Variants in GPC6 observed in about 807,000 individuals in gnomAD.
The protein encoded by GPC6 is glypican-6.
GPC6 carries 14 observed loss-of-function variants against 55.2 expected under a neutral mutation model. The observed-to-expected ratio is 0.25, with a 90% CI of 0.17 to 0.40. The LOEUF (loss-of-function observed/expected upper bound fraction) is 0.40. GPC6 is among the 10% of genes least tolerant of loss of function. The pLI is 1.00. For synonymous variants in GPC6, 278 were observed against 259.6 expected (o/e 1.07, Z -0.68); for missense variants, 641 against 708.5 (o/e 0.90, Z 1.08).
intron 2 of GPC6, among the ~76,000 whole-genome samples, chr13:93,673,021 G>A (rs1881434789): frequency 6.6e-6 from 1 of 152,060 alleles, no homozygotes; most frequent in African/African-American, 2.4e-5. Flanking sequence ...AAAGACAAAA[G>A]TATTTTTGAA....
At position 94,405,200 on chromosome 13, in the gene GPC6, T is replaced by G. The variant is rs557395539; in HGVS notation, c.*1983T>G. 5.3e-5 allele frequency: 8 copies of G among 152,358 alleles called. No individual in the cohort carries two copies. In the East Asian group the frequency reaches 1.5e-3, roughly 29 times the overall value. 9.4% of individuals were successfully genotyped at this position (152,358 alleles called of 1,614,324 possible). A position where few individuals can be genotyped will look rare whatever the true frequency, so the allele number is the denominator to read the frequency against. ...TTTATGCCTAATGAAATATAAAATG[T>G]AGGATGATGAGAGACTTTGTGGCAT... On this transcript the variant is annotated 3_prime_UTR_variant, in exon 9 of 9. Coordinates refer to ENST00000377047, the MANE Select transcript of GPC6 (RefSeq NM_005708.5).
At chr13:93,569,310 C>G (rs557808820) in intron 2 of GPC6, among the ~76,000 whole-genome samples, 1 of 152,250 alleles carries the variant, frequency 6.6e-6, no homozygotes, top group East Asian at 1.9e-4. Context: ...AGTCATTTGG[C>G]TCTTGCACTT....
chr13:93,791,787 G>C (rs1411946054), intron 2 of GPC6, among the ~76,000 whole-genome samples: 1 of 152,192 alleles, frequency 6.6e-6, no homozygotes, highest in African/African-American at 2.4e-5. Flanking sequence ...CGTTTGAAAA[G>C]AGTTCAAAGT....
At chr13:93,247,684 A>G (rs1233805407) in intron 1 of GPC6, among the ~76,000 whole-genome samples, 1 of 152,204 alleles carries the variant, frequency 6.6e-6, no homozygotes, top group Non-Finnish European at 1.5e-5. Flanking sequence ...GTCAGTTTCA[A>G]TTGAATATAA....
intron 2 of GPC6, among the ~76,000 whole-genome samples, chr13:93,701,112 T>C (rs941541480): frequency 6.6e-6 from 1 of 152,078 alleles, no homozygotes; most frequent in African/African-American, 2.4e-5. Context: ...CCTTGAGAAT[T>C]TGACTTACAA....
chr13:94,287,338 C>A (rs1173041779), intron 5 of GPC6, among the ~76,000 whole-genome samples: 2 of 152,172 alleles, frequency 1.3e-5, no homozygotes, highest in African/African-American at 4.8e-5. Flanking sequence ...TAAAATATGT[C>A]AGGCAAAGAG....
At chr13:94,016,607 G>A (rs908848610) in intron 3 of GPC6, among the ~76,000 whole-genome samples, 10 of 152,162 alleles carry the variant, frequency 6.6e-5, no homozygotes, top group Admixed American at 5.9e-4. Context: ...GAACTTGAGG[G>A]AAAGCTGTTA....
At chr13:93,289,478 A>G (rs1878248286) in intron 1 of GPC6, among the ~76,000 whole-genome samples, 1 of 152,202 alleles carries the variant, frequency 6.6e-6, no homozygotes, top group Admixed American at 6.5e-5. Flanking sequence ...GTATTAGGAA[A>G]AGTGTCGATC....
At position 93,537,051 on chromosome 13, in the gene GPC6, T is replaced by A. The variant is rs984475384; in HGVS notation, c.161-8212T>A. The stretch of plus-strand genomic sequence containing the variant: ...GTCTCTTCTGAATGAGGGATAATAA[T>A]GAGTGGTGCCTGCTTAGACTTTGTG... On this transcript the variant is annotated intron_variant, in intron 1 of 8. Coordinates refer to ENST00000377047, the MANE Select transcript of GPC6 (RefSeq NM_005708.5). 3.5e-4 allele frequency among the ~76,000 whole-genome samples: 53 copies of A among 152,166 alleles called. 2 individuals carry two copies. The highest frequency in any genetic ancestry group is 1.5e-5 in the Non-Finnish European group (1 of 68,030).
chr13:93,447,352 T>C (rs1264513378), intron 1 of GPC6, among the ~76,000 whole-genome samples: 8 of 152,210 alleles, frequency 5.3e-5, no homozygotes, highest in African/African-American at 9.6e-5. Flanking sequence ...GGAGAGATTA[T>C]GTTAACCTTT....
chr13:93,346,286 G>A (rs1880427096), intron 1 of GPC6, among the ~76,000 whole-genome samples: 1 of 152,172 alleles, frequency 6.6e-6, no homozygotes, highest in South Asian at 2.1e-4. Flanking sequence ...GGCAAGTAGT[G>A]CAGTAAAGCA....
rs1288990210 is a variant in GPC6, at chr13:94,403,699, C to G, written c.*482C>G. The G allele has an allele frequency of 5.1e-6, 1 of 195,032 alleles. No individual in the cohort carries two copies. Among genetic ancestry groups the G allele is most frequent in the Non-Finnish European group, 1.1e-5 (1 of 93,614 alleles). 12.1% of individuals were successfully genotyped at this position (195,032 alleles called of 1,614,324 possible). On this transcript the variant is annotated 3_prime_UTR_variant, in exon 9 of 9. Transcript: ENST00000377047. ...TAAGTTCAGCATTGACAGCCAACTT[C>G]CAGTGTAAGCTTTTTTGTGACAAAT...
At chr13:93,612,018 A>G (rs758698329) in intron 2 of GPC6, among the ~76,000 whole-genome samples, 1 of 152,226 alleles carries the variant, frequency 6.6e-6, no homozygotes, top group Non-Finnish European at 1.5e-5. Context: ...AAAATTTAAC[A>G]TAAGTAATAT....
intron 1 of GPC6, among the ~76,000 whole-genome samples, chr13:93,294,679 A>C (rs375874831): frequency 6.6e-6 from 1 of 152,172 alleles, no homozygotes; most frequent in Admixed American, 6.5e-5. Context: ...CAATGTGTAC[A>C]TAATAACAAA....
At chr13:93,717,892 A>C (rs1271847687) in intron 2 of GPC6, among the ~76,000 whole-genome samples, 2 of 151,866 alleles carry the variant, frequency 1.3e-5, no homozygotes, top group Admixed American at 1.3e-4. Flanking sequence ...TAGTTGGCTG[A>C]AAATGATGGT....
intron 2 of GPC6, among the ~76,000 whole-genome samples, chr13:93,547,369 CAACAA>C (rs894561731): frequency 9.9e-5 from 15 of 151,646 alleles, no homozygotes; most frequent in South Asian, 4.2e-4. Context: ...AAAACAAAAC[CAACAA>C]AACAAAACAA....
Position 93,320,660 on chromosome 13 carries a change from C to G in GPC6, c.160+93044C>G, listed in dbSNP as rs554233458. Among the ~76,000 whole-genome samples the G allele has an allele frequency of 2.0e-5, 3 of 151,846 alleles. 1 individual carries two copies. The South Asian group carries it at 6.2e-4, about 31-fold the overall frequency. On this transcript the variant is annotated intron_variant, in intron 1 of 8. Coordinates refer to ENST00000377047, the MANE Select transcript of GPC6 (RefSeq NM_005708.5). ...ATATATATATATATACACACACACT[C>G]TATTATGATATTCTTTTGATGATAT...
chr13:93,859,847 A>G (rs2139024644), intron 3 of GPC6, among the ~76,000 whole-genome samples: 1 of 151,756 alleles, frequency 6.6e-6, no homozygotes, highest in South Asian at 2.1e-4. Context: ...CTTGAAGAAA[A>G]TGCTACAACA....
At chr13:93,924,245 T>C (rs1232268261) in intron 3 of GPC6, among the ~76,000 whole-genome samples, 1 of 152,348 alleles carries the variant, frequency 6.6e-6, no homozygotes, top group South Asian at 2.1e-4. Context: ...ATGCCACTAA[T>C]GGCAATTCCC....
Sources: gnomAD v4.1 joint callset for allele counts (sites outside exome capture counted in the v4.1 genomes callset) on GRCh38, gnomAD v4.1.1 for gene constraint, MANE v1.5 for transcripts, NCBI Gene and HGNC (gene_info 2026-07-23, HGNC 2026-07-21) for gene names.